Variants in FGD4 observed in about 807,000 individuals in gnomAD.
The protein encoded by FGD4 is FYVE, RhoGEF and PH domain containing 4.
In FGD4, 42 loss-of-function variants were observed where a neutral mutation model predicts 102.0. The observed-to-expected ratio is 0.41, with a 90% confidence interval of 0.32 to 0.53. The LOEUF is 0.53. FGD4 is among the 20% of genes least tolerant of loss of function. The probability of loss-of-function intolerance (pLI) is 0.21; values close to 1 mark genes in which losing one functional copy is unlikely to be tolerated. For missense variants in FGD4, 902 were observed against 1,078.2 expected, an observed-to-expected ratio of 0.84 and a Z score of 2.29; for synonymous variants, 380 against 375.7, an observed-to-expected ratio of 1.01 and a Z score of -0.13.
chr12:32,578,981 G>C (rs1946356618), intron 3 of FGD4, among the ~76,000 whole-genome samples: 1 of 149,954 alleles, frequency 6.7e-6, no homozygotes, highest in Non-Finnish European at 1.5e-5. Flanking sequence ...TTTTAACCTA[G>C]GAACCACTTT....
chr12:32,492,645 A>G (rs1452893227), intron 1 of FGD4, among the ~76,000 whole-genome samples: 1 of 152,216 alleles, frequency 6.6e-6, no homozygotes, highest in Non-Finnish European at 1.5e-5. Flanking sequence ...CTGCTTTATA[A>G]ACATAATATA....
intron 3 of FGD4, among the ~76,000 whole-genome samples, chr12:32,580,654 G>A (rs1253645466): frequency 1.3e-5 from 2 of 152,202 alleles, no homozygotes; most frequent in East Asian, 1.9e-4. Context: ...TTGGGAGGCC[G>A]AGGCGGGCAG....
intron 1 of FGD4, among the ~76,000 whole-genome samples, chr12:32,437,107 T>TAAAAAAAAA (rs1942255069): frequency 1.2e-5 from 1 of 85,580 alleles, no homozygotes. Flanking sequence ...GGACTCCATG[T>TAAAAAAAAA]CAAAAAAAAA....
intron 10 of FGD4, among the ~76,000 whole-genome samples, chr12:32,619,445 A>G (rs1949662751): frequency 6.6e-6 from 1 of 151,824 alleles, no homozygotes; most frequent in African/African-American, 2.4e-5. Flanking sequence ...TGGCTAACAC[A>G]GTGAAACCCT....
rs534102977 is a variant in FGD4 at position 32,642,576 on chromosome 12, T to C, written c.*2043T>C. On this transcript the variant is annotated 3_prime_UTR_variant, in exon 17 of 17. Coordinates refer to ENST00000534526, the MANE Select transcript of FGD4 (RefSeq NM_001370298.3). ...GAAGTAACATGGACACACTTAAGTT[T>C]TGGCTCAATAAATATCAATGTTATT... The C allele has an allele frequency of 1.3e-5, 2 of 152,128 alleles. No homozygotes were observed. Among genetic ancestry groups the C allele is most frequent in the Non-Finnish European group, 2.9e-5 (2 of 67,954 alleles). The allele number at this position is 152,128 out of a possible 1,614,324, so 9.4% of individuals were successfully genotyped here.
chr12:32,530,440 A>C (rs1366289413), intron 1 of FGD4, among the ~76,000 whole-genome samples: 1 of 152,144 alleles, frequency 6.6e-6, no homozygotes, highest in African/African-American at 2.4e-5. Context: ...CTGAGATCGC[A>C]CCACTGCACT....
At position 32,608,943 on chromosome 12, in the gene FGD4, G is replaced by A. The variant is rs1948964446; in HGVS notation, c.1543+848G>A. ...ATTACTATTATTATTTTGACACAGA[G>A]TCACACCCTGTTGCCCAGGCTGGAG... On this transcript the variant is annotated intron_variant, in intron 8 of 16. Transcript: ENST00000534526. 2.0e-5 allele frequency among the ~76,000 whole-genome samples: 3 copies of A among 152,124 alleles called. No individual in the cohort carries two copies. The South Asian group carries it at 6.2e-4, about 32-fold the overall frequency.
intron 1 of FGD4, among the ~76,000 whole-genome samples, chr12:32,459,587 G>T (rs1468053083): frequency 2.6e-5 from 4 of 151,788 alleles, no homozygotes; most frequent in African/African-American, 7.3e-5. Context: ...ATAAAGATTT[G>T]ATTCTTTTGT....
chr12:32,455,858 TCA>T lies in FGD4; in HGVS notation c.166+55902_166+55903del, dbSNP rs111930154. The stretch of plus-strand genomic sequence containing the variant: ...AAATGAATTAAATAATAGCAGATAG[TCA>T]CAGAGTTCTAGACTAGATTGTTATC... On this transcript the variant is annotated intron_variant, in intron 1 of 16. Transcript: ENST00000534526. Among the ~76,000 whole-genome samples the T allele has an allele frequency of 4.6e-5, 7 of 152,292 alleles. 1 individual carries two copies. Among genetic ancestry groups the T allele is most frequent in the African/African-American group, 1.7e-4 (7 of 41,592 alleles).
At chr12:32,516,562 A>ATT (rs1939905196) in intron 1 of FGD4, among the ~76,000 whole-genome samples, 4 of 152,246 alleles carry the variant, frequency 2.6e-5, no homozygotes, top group Admixed American at 2.6e-4. Flanking sequence ...GTCACTGACA[A>ATT]GTTATCTGTT....
chr12:32,466,299 G>T (rs1020849045), intron 1 of FGD4, among the ~76,000 whole-genome samples: 3 of 152,078 alleles, frequency 2.0e-5, no homozygotes, highest in Non-Finnish European at 4.4e-5. Context: ...ATAAAAAATT[G>T]TATCATAAGG....
intron 1 of FGD4, among the ~76,000 whole-genome samples, chr12:32,500,331 T>C (rs935180927): frequency 2.0e-5 from 3 of 152,156 alleles, no homozygotes; most frequent in Non-Finnish European, 1.5e-5. Flanking sequence ...CAGTAAACAG[T>C]ACTTGTTAAT....
chr12:32,564,030 A>T, intron 1 of FGD4, 107 bp from the exon 2 acceptor site: 1 of 823,190 alleles, frequency 1.2e-6, no homozygotes, highest in Admixed American at 4.5e-5. Flanking sequence ...AGGGAGAGGG[A>T]GGGGGAGGGG....
rs182074778 is a variant in FGD4 at position 32,572,322 on chromosome 12, C to G, written c.320-3944C>G. 2.0e-4 allele frequency among the ~76,000 whole-genome samples: 31 copies of G among 152,238 alleles called. No homozygotes were observed. In the East Asian group the frequency reaches 6.0e-3, roughly 29 times the overall value. On this transcript the variant is annotated intron_variant, in intron 2 of 16. Transcript: ENST00000534526. ...ATATTGGATTCAGGGCACCTTTTAC[C>G]TGAAAAGCTTACTTGCTCTAGGGAG... is the stretch of plus-strand genomic sequence containing the variant.
In FGD4 at chr12:32,564,244, G is replaced by C; in HGVS notation, c.274G>C (p.Gly92Arg). The change falls in exon 2 of 17, where the codon GGG becomes CGG. Residue 92 changes from glycine to arginine, a missense_variant. Physicochemically the swap from Gly to Arg is moderately radical, Grantham distance 125 (BLOSUM62 -2). Coordinates refer to ENST00000534526, the MANE Select transcript of FGD4 (RefSeq NM_001370298.3). ...VSEEEAQGIN[G>R]NRPAKHSAAS... ...TGAAGAAGAGGCTCAGGGAATAAAT[G>C]GGAACAGGCCAGCAAAACACTCAGC... 6.5e-7 allele frequency: 1 copy of C among 1,536,094 alleles called. No individual in the cohort carries two copies. Among genetic ancestry groups the C allele is most frequent in the Non-Finnish European group, 8.7e-7 (1 of 1,146,896 alleles).
intron 1 of FGD4, among the ~76,000 whole-genome samples, chr12:32,539,307 C>T (rs1308654571): frequency 2.0e-5 from 3 of 151,956 alleles, no homozygotes; most frequent in Non-Finnish European, 2.9e-5. Flanking sequence ...CGGTGGCTCA[C>T]ATCCGTAATC....
At chr12:32,481,837 A>T (rs954712725) in intron 1 of FGD4, among the ~76,000 whole-genome samples, 8 of 151,504 alleles carry the variant, frequency 5.3e-5, no homozygotes, top group African/African-American at 1.9e-4. Flanking sequence ...AAAAAAAAGA[A>T]CATCTAAGTT....
intron 1 of FGD4, among the ~76,000 whole-genome samples, chr12:32,479,656 A>G (rs968023683): frequency 8.7e-5 from 13 of 150,146 alleles, no homozygotes; most frequent in African/African-American, 2.7e-4. Flanking sequence ...TTTTTCATAC[A>G]TTTCACTTTT....
intron 11 of FGD4, 67 bp downstream of exon 11, chr12:32,619,937 A>G (rs1949701641): frequency 6.3e-7 from 1 of 1,576,890 alleles, no homozygotes; most frequent in Non-Finnish European, 8.7e-7. Flanking sequence ...TTAAAATAGA[A>G]TGGCTCTGAG....
Sources: allele counts gnomAD v4.1 joint callset (sites outside exome capture counted in the v4.1 genomes callset), GRCh38; gene constraint gnomAD v4.1.1; transcripts MANE v1.5; gene names NCBI Gene and HGNC (gene_info 2026-07-23, HGNC 2026-07-21).